MVB12B: variants seen among roughly 807,000 people sequenced by gnomAD.
MVB12B encodes multivesicular body subunit 12B.
MVB12B carries 16 observed loss-of-function variants against 41.6 expected under a neutral mutation model. The ratio of observed to expected loss-of-function variants is 0.38; its 90% CI spans 0.26 to 0.58. MVB12B has a LOEUF of 0.58. Ranked by LOEUF, MVB12B falls within the 20% of genes least tolerant of loss-of-function variation. The pLI is 0.62. For synonymous variants in MVB12B, 133 were observed against 139.7 expected (o/e 0.95, Z 0.34); for missense variants, 274 against 380.2 (o/e 0.72, Z 2.32).
chr9:126,376,600 AG>A lies in MVB12B; in HGVS notation c.205-4460del, dbSNP rs1209649989. The A allele has an allele frequency of 1.6e-6, 2 of 1,289,326 alleles. No individual in the cohort carries two copies. The highest frequency in any genetic ancestry group is 2.5e-5 in the South Asian group (2 of 81,026). 79.9% of individuals were successfully genotyped at this position (1,289,326 alleles called of 1,614,324 possible). Reference sequence around the variant, plus strand: ...ACAAAGCCCTCAGTGTCCAGTGTTCAGGGGAGGCGGCTGGAAGCAAGAAGGA... The same window carrying A: ...ACAAAGCCCTCAGTGTCCAGTGTTCAGGGAGGCGGCTGGAAGCAAGAAGGA... On this transcript the variant is annotated intron_variant, in intron 2 of 9. Transcript: ENST00000361171. This position sits in a 1 kb window ranked among gnomAD's most constrained non-coding sequence, Gnocchi z 4.1.
chr9:126,476,202 TC>T (rs1386132426), intron 7 of MVB12B, among the ~76,000 whole-genome samples: 2 of 152,240 alleles, frequency 1.3e-5, no homozygotes, highest in Non-Finnish European at 2.9e-5. Context: ...TCACATCTCA[TC>T]TTTGCCTCCT....
intron 6 of MVB12B, among the ~76,000 whole-genome samples, chr9:126,407,857 A>G (rs1831491801): frequency 6.6e-6 from 1 of 152,242 alleles, no homozygotes; most frequent in Non-Finnish European, 1.5e-5. Context: ...CTTTTGGAGC[A>G]GAATGGTTCA....
chr9:126,481,347 C>G lies in MVB12B; in HGVS notation c.758-22C>G, dbSNP rs1427021272. On this transcript the variant is annotated intron_variant, in intron 7 of 9. Coordinates refer to ENST00000361171, the MANE Select transcript of MVB12B (RefSeq NM_033446.3). ...CCATCTTCAATACCTTTAATGCCAT[C>G]TTTTTTTTTCTTCTTTTGCAGCAAT... is the stretch of plus-strand genomic sequence containing the variant. The G allele has an allele frequency of 5.7e-6, 9 of 1,586,494 alleles. No homozygotes were observed. The African/African-American group carries it at 1.2e-4, about 21-fold the overall frequency.
intron 2 of MVB12B, among the ~76,000 whole-genome samples, chr9:126,352,216 GTC>G (rs1485696679): frequency 1.3e-5 from 2 of 152,156 alleles, no homozygotes; most frequent in Non-Finnish European, 2.9e-5. Flanking sequence ...TATACTGTCT[GTC>G]TGGCTTGGTA....
rs556900982 is a variant in MVB12B, at chr9:126,476,074, G to A, written c.758-5295G>A. On this transcript the variant is annotated intron_variant, in intron 7 of 9. Transcript: ENST00000361171. Reference sequence around the variant, plus strand: ...TCAGGAGCACATGGGCCGAGGGGTGGAGCGAGGCCGTCAAAGTCCTGAGGG... The same window carrying A: ...TCAGGAGCACATGGGCCGAGGGGTGAAGCGAGGCCGTCAAAGTCCTGAGGG... Among the ~76,000 whole-genome samples, 9 of 152,372 alleles carry A rather than the reference G, an allele frequency of 5.9e-5. No homozygotes were observed. In the East Asian group the frequency reaches 1.7e-3, roughly 29 times the overall value.
chr9:126,415,510 C>T (rs1445558104), intron 6 of MVB12B, among the ~76,000 whole-genome samples: 1 of 151,974 alleles, frequency 6.6e-6, no homozygotes, highest in Non-Finnish European at 1.5e-5. Context: ...TAAGTAGTGC[C>T]GTGATGAATT....
At chr9:126,377,310 G>A (rs1830509234) in intron 2 of MVB12B, among the ~76,000 whole-genome samples, 1 of 152,214 alleles carries the variant, frequency 6.6e-6, no homozygotes, top group Admixed American at 6.5e-5. Context: ...ATGTGCACAT[G>A]TGTATGCGAG....
chr9:126,446,556 A>G (rs933957781), intron 7 of MVB12B, among the ~76,000 whole-genome samples: 8 of 150,998 alleles, frequency 5.3e-5, no homozygotes, highest in African/African-American at 1.9e-4. Flanking sequence ...TGGACCTGGA[A>G]GCTAGGGGCA....
rs1410927614 is a variant in MVB12B at position 126,504,582 on chromosome 9, CAGAGGAACG to C, written c.*1320_*1328del. 2 of 152,926 alleles carry C rather than the reference CAGAGGAACG, an allele frequency of 1.3e-5. No homozygotes were observed. Among genetic ancestry groups the C allele is most frequent in the South Asian group, 2.1e-4 (1 of 4,834 alleles). The allele number at this position is 152,926 out of a possible 1,614,324, so 9.5% of individuals were successfully genotyped here. A position where few individuals can be genotyped will look rare whatever the true frequency, so the allele number is the denominator to read the frequency against. On this transcript the variant is annotated 3_prime_UTR_variant, in exon 10 of 10. Transcript: ENST00000361171. ...GCCCACAGTAGTGCTAGCTGAGGCC[CAGAGGAACG>C]GGAGGAAAGGGAGGCAGCGCCGGAC...
intron 7 of MVB12B, among the ~76,000 whole-genome samples, chr9:126,437,653 C>G (rs1386797593): frequency 6.6e-6 from 1 of 152,198 alleles, no homozygotes; most frequent in Non-Finnish European, 1.5e-5. Flanking sequence ...TCAGCCTTAT[C>G]AGGCGTTCTT....
At chr9:126,327,871 C>T (rs769303968) in intron 1 of MVB12B, among the ~76,000 whole-genome samples, 2 of 152,220 alleles carry the variant, frequency 1.3e-5, no homozygotes, top group Non-Finnish European at 2.9e-5. Context: ...GTTGCCCCTT[C>T]CCTGCTTCCT....
At chr9:126,383,103 T>C (rs1830681088) in intron 3 of MVB12B, among the ~76,000 whole-genome samples, 1 of 152,178 alleles carries the variant, frequency 6.6e-6, no homozygotes, top group Non-Finnish European at 1.5e-5. Flanking sequence ...AGGGGCCCAC[T>C]TGCCAGCCCA....
chr9:126,453,683 C>T (rs776395216), intron 7 of MVB12B, among the ~76,000 whole-genome samples: 3 of 152,214 alleles, frequency 2.0e-5, no homozygotes, highest in Middle Eastern at 3.2e-3. Flanking sequence ...ATCTCACATG[C>T]GTTACGTGGC....
chr9:126,456,539 C>T (rs980477393), intron 7 of MVB12B, among the ~76,000 whole-genome samples: 13 of 152,164 alleles, frequency 8.5e-5, no homozygotes, highest in Non-Finnish European at 1.8e-4. Flanking sequence ...AACAAGCTGA[C>T]GGGATACTTG....
intron 6 of MVB12B, among the ~76,000 whole-genome samples, chr9:126,400,990 T>C (rs1016560916): frequency 6.6e-6 from 1 of 152,180 alleles, no homozygotes; most frequent in Non-Finnish European, 1.5e-5. Context: ...GCGGGGGCTC[T>C]CCTAGAAAAT....
intron 9 of MVB12B, among the ~76,000 whole-genome samples, chr9:126,501,025 C>T (rs1833944330): frequency 6.6e-6 from 1 of 152,210 alleles, no homozygotes. Flanking sequence ...AATGAATTTG[C>T]CGCTGTTCCC....
rs186517112 is a variant in MVB12B at position 126,361,839 on chromosome 9, G to A, written c.205-19225G>A. On this transcript the variant is annotated intron_variant, in intron 2 of 9. Transcript: ENST00000361171. ...TCAGGTGGGAGAATCACCCGAGCCC[G>A]GGAAGTCAAGGCTGCAGTGAGCTGT... Among the ~76,000 whole-genome samples the A allele has an allele frequency of 4.0e-3, 601 of 151,468 alleles. 7 individuals are homozygous for A. Among genetic ancestry groups the A allele is most frequent in the African/African-American group, 0.014 (568 of 41,230 alleles).
intron 7 of MVB12B, among the ~76,000 whole-genome samples, chr9:126,475,239 G>A (rs988389176): frequency 6.6e-6 from 1 of 152,090 alleles, no homozygotes; most frequent in African/African-American, 2.4e-5. Flanking sequence ...TGCCCACCTC[G>A]GCTTCCCATC....
chr9:126,467,590 T>C (rs1833225432), intron 7 of MVB12B, among the ~76,000 whole-genome samples: 1 of 152,334 alleles, frequency 6.6e-6, no homozygotes, highest in East Asian at 1.9e-4. Flanking sequence ...TTCTCCAGTA[T>C]ATAAGGAAGA....
Sources: gnomAD v4.1 joint callset for allele counts (sites outside exome capture counted in the v4.1 genomes callset) on GRCh38, gnomAD v4.1.1 for gene constraint, Gnocchi (gnomAD v3.1) non-coding constraint, MANE v1.5 for transcripts, NCBI Gene and HGNC (gene_info 2026-07-23, HGNC 2026-07-21) for gene names.